FOXP2: variants seen among roughly 807,000 people sequenced by gnomAD.
FOXP2 encodes the protein forkhead box protein P2.
Under a neutral mutation model 115.8 loss-of-function variants are expected in FOXP2, and 12 were observed. The observed-to-expected ratio is 0.10, with a 90% confidence interval of 0.07 to 0.17. FOXP2 has a LOEUF of 0.17. Among genes scored for constraint, FOXP2 ranks in the 10% least tolerant of loss-of-function variants. The pLI, the probability that FOXP2 is intolerant of heterozygous loss-of-function variation, is 1.00. For missense variants in FOXP2, 629 were observed against 843.5 expected (o/e 0.75, Z 3.15); for synonymous variants, 328 against 297.7 (o/e 1.10, Z -1.05).
intron 2 of FOXP2, among the ~76,000 whole-genome samples, chr7:114,335,964 G>C (rs1916979): frequency 6.6e-6 from 1 of 151,660 alleles, no homozygotes; most frequent in African/African-American, 2.4e-5. Context: ...CCAAGCATCA[G>C]GATTTCACCA....
intron 1 of FOXP2, among the ~76,000 whole-genome samples, chr7:114,224,521 T>C (rs1187829931): frequency 6.6e-6 from 1 of 152,224 alleles, no homozygotes; most frequent in Non-Finnish European, 1.5e-5. Context: ...CAAAAATAAA[T>C]TACCTCCATC....
At chr7:114,546,408 C>A (rs534477077) in intron 3 of FOXP2, among the ~76,000 whole-genome samples, 2 of 152,338 alleles carry the variant, frequency 1.3e-5, no homozygotes, top group African/African-American at 4.8e-5. Context: ...ACATTACAAC[C>A]ATGACTTAAT....
intron 2 of FOXP2, among the ~76,000 whole-genome samples, chr7:114,503,519 T>A (rs1407821827): frequency 6.6e-6 from 1 of 151,418 alleles, no homozygotes; most frequent in Non-Finnish European, 1.5e-5. Context: ...TTTTTGGATA[T>A]CATGCTCTAT....
At chr7:114,451,775 G>A (rs1795083727) in intron 2 of FOXP2, among the ~76,000 whole-genome samples, 1 of 152,020 alleles carries the variant, frequency 6.6e-6, no homozygotes, top group Non-Finnish European at 1.5e-5. Flanking sequence ...ATAATAAGAT[G>A]TTATGAGAAA....
At chr7:114,550,407 C>T (rs931124532) in intron 3 of FOXP2, among the ~76,000 whole-genome samples, 6 of 152,088 alleles carry the variant, frequency 3.9e-5, no homozygotes, top group African/African-American at 1.2e-4. Context: ...TGAGCCACCG[C>T]ACCCGGCCTC....
At chr7:114,550,050 G>C (rs921724957) in intron 3 of FOXP2, among the ~76,000 whole-genome samples, 2 of 151,830 alleles carry the variant, frequency 1.3e-5, no homozygotes, top group Non-Finnish European at 2.9e-5. Context: ...TGGTAGACTG[G>C]GTGCAAGGTA....
chr7:114,168,652 C>G (rs1292196316), intron 1 of FOXP2, among the ~76,000 whole-genome samples: 1 of 152,156 alleles, frequency 6.6e-6, no homozygotes, highest in Non-Finnish European at 1.5e-5. Flanking sequence ...ATCCCATTTT[C>G]TGAGGAGAAA....
intron 16 of FOXP2, among the ~76,000 whole-genome samples, chr7:114,681,304 C>A (rs1268357243): frequency 1.3e-5 from 2 of 152,088 alleles, no homozygotes; most frequent in African/African-American, 2.4e-5. Context: ...TGACTCAATC[C>A]ACAGCATAAA....
At chr7:114,641,551 T>C (rs1156451896) in intron 6 of FOXP2, among the ~76,000 whole-genome samples, 1 of 152,102 alleles carries the variant, frequency 6.6e-6, no homozygotes, top group African/African-American at 2.4e-5. Context: ...TTCATCCCTC[T>C]GAGAAATATC....
intron 8 of FOXP2, among the ~76,000 whole-genome samples, chr7:114,648,233 A>C (rs1286545539): frequency 6.6e-6 from 1 of 152,070 alleles, no homozygotes; most frequent in Admixed American, 6.6e-5. Context: ...GCATTCTTTG[A>C]ACTTGTCAGA....
chr7:114,306,471 C>T lies in FOXP2; in HGVS notation c.-11+18362C>T, dbSNP rs192887677. Among the ~76,000 whole-genome samples the T allele has an allele frequency of 2.6e-5, 4 of 152,262 alleles. No homozygotes were observed. The East Asian group carries it at 7.7e-4, about 29-fold the overall frequency. ...ATACCTTATCCCTTAAGGTTATTCA[C>T]TGCAAACACAACCCTAAGAAATACA... On this transcript the variant is annotated intron_variant, in intron 2 of 17. Coordinates refer to the FOXP2 transcript ENST00000634411.
chr7:114,526,172 T>TA (rs3028251), intron 2 of FOXP2, among the ~76,000 whole-genome samples: 24,520 of 79,374 alleles, frequency 0.31, 4,126 homozygotes, highest in East Asian at 0.45. Context: ...GTTTCTTTAT[T>TA]AAAAAAAAAA....
At chr7:114,268,634 G>A (rs890408921) in intron 1 of FOXP2, among the ~76,000 whole-genome samples, 4 of 151,700 alleles carry the variant, frequency 2.6e-5, no homozygotes, top group African/African-American at 4.8e-5. Flanking sequence ...TCAAAGTGTT[G>A]TTTCTTTAGC....
At chr7:114,483,213 C>T (rs1706856247) in intron 2 of FOXP2, among the ~76,000 whole-genome samples, 1 of 151,526 alleles carries the variant, frequency 6.6e-6, no homozygotes, top group Admixed American at 6.6e-5. Context: ...ACTAAAATTT[C>T]TGTCAGAATA....
rs942084134 is a variant in FOXP2 at position 114,521,558 on chromosome 7, A to G, written c.169-13059A>G. Among the ~76,000 whole-genome samples, 83 of 143,446 alleles carry G rather than the reference A, an allele frequency of 5.8e-4. No individual in the cohort carries two copies. In the East Asian group the frequency reaches 0.012, roughly 21 times the overall value. The allele number at this position is 143,446 out of a possible 152,430, so 94.1% of individuals were successfully genotyped here. A position where few individuals can be genotyped will look rare whatever the true frequency, so the allele number is the denominator to read the frequency against. On this transcript the variant is annotated intron_variant, in intron 2 of 16. Transcript: ENST00000350908. ...AAAAAAAAAAAAAAAAAAAAAGGGT[A>G]GGGGTGCCGTTTAGAGAATGATTTC...
chr7:114,517,301 T>G (rs1461289694), intron 2 of FOXP2, among the ~76,000 whole-genome samples: 1 of 152,170 alleles, frequency 6.6e-6, no homozygotes, highest in Non-Finnish European at 1.5e-5. Flanking sequence ...ATAGGTCGTC[T>G]CTTTATTGCT....
At chr7:114,163,112 T>C (rs1158939170) in intron 1 of FOXP2, 1 of 152,154 alleles carries the variant, frequency 6.6e-6, no homozygotes, top group Non-Finnish European at 1.5e-5. Flanking sequence ...ACTGTACATA[T>C]TTTTCATCTC....
chr7:114,633,314 T>C (rs1363322541), intron 6 of FOXP2, among the ~76,000 whole-genome samples: 2 of 152,158 alleles, frequency 1.3e-5, no homozygotes, highest in Non-Finnish European at 2.9e-5. Flanking sequence ...AGTTTTCAAA[T>C]AGAAATTACC....
At chr7:114,407,475 A>T (rs1793062201) in intron 2 of FOXP2, among the ~76,000 whole-genome samples, 1 of 152,092 alleles carries the variant, frequency 6.6e-6, no homozygotes, top group South Asian at 2.1e-4. Context: ...TGCACTGTGG[A>T]CTTTTTAAGT....
Sources: allele counts gnomAD v4.1 joint callset (sites outside exome capture counted in the v4.1 genomes callset), GRCh38; gene constraint gnomAD v4.1.1; transcripts MANE v1.5; gene names NCBI Gene and HGNC (gene_info 2026-07-23, HGNC 2026-07-21).